The following ZSCAN25 variants were observed in gnomAD, a reference collection of about 807,000 sequenced individuals.
ZSCAN25 encodes the protein zinc finger and SCAN domain containing 25.
Under a neutral mutation model 38.7 loss-of-function variants are expected in ZSCAN25, and 27 were observed. The ratio of observed to expected loss-of-function variants is 0.70; its 90% CI spans 0.51 to 0.96. ZSCAN25 has a LOEUF of 0.96. ZSCAN25 is among the 40% of genes least tolerant of loss of function. The probability of loss-of-function intolerance (pLI) is 0.00; values close to 1 mark genes in which losing one functional copy is unlikely to be tolerated. For synonymous variants in ZSCAN25, 273 were observed against 277.7 expected (o/e 0.98, Z 0.17); for missense variants, 637 against 705.9 (o/e 0.90, Z 1.11).
chr7:99,683,028 G>T, the ZSCAN25 span, among the ~76,000 whole-genome samples: 1 of 152,072 alleles, frequency 6.6e-6, no homozygotes, highest in Non-Finnish European at 1.5e-5. Context: ...GTCTTTAAGT[G>T]TTTCCATATA....
the ZSCAN25 span, among the ~76,000 whole-genome samples, chr7:99,650,951 T>A: frequency 1.3e-5 from 2 of 152,248 alleles, no homozygotes; most frequent in African/African-American, 4.8e-5. Context: ...TTATTCAAAT[T>A]TGATTTCTAA....
chr7:99,676,294 CAA>C, the ZSCAN25 span: 1 of 1,596,868 alleles, frequency 6.3e-7, no homozygotes, highest in Non-Finnish European at 8.6e-7. Flanking sequence ...CTGGAATGGT[CAA>C]GAGAGGGAGG....
chr7:99,656,090 G>A, the ZSCAN25 span, among the ~76,000 whole-genome samples: 1 of 152,062 alleles, frequency 6.6e-6, no homozygotes, highest in Admixed American at 6.5e-5. Flanking sequence ...TTGCCTGATT[G>A]CCCTGGCCAG....
the ZSCAN25 span, among the ~76,000 whole-genome samples, chr7:99,711,815 A>G: frequency 6.6e-6 from 1 of 152,104 alleles, no homozygotes; most frequent in Non-Finnish European, 1.5e-5. Context: ...CAGAAATGCA[A>G]AATCTCAAAC....
the ZSCAN25 span, among the ~76,000 whole-genome samples, chr7:99,732,766 C>T: frequency 2.6e-5 from 4 of 152,114 alleles, no homozygotes; most frequent in East Asian, 3.8e-4. Flanking sequence ...TTCAAAAGTA[C>T]GGTGTGTATA....
intron 7 of ZSCAN25, among the ~76,000 whole-genome samples, chr7:99,627,792 A>T (rs1807619310): frequency 6.6e-6 from 1 of 151,916 alleles, no homozygotes; most frequent in East Asian, 1.9e-4. Flanking sequence ...CTGTATATGT[A>T]TATTGTATAT....
chr7:99,617,021 G>A lies in ZSCAN25; in HGVS notation c.-259+5G>A, dbSNP rs1806508767. On this transcript the variant is annotated splice_donor_5th_base_variant and intron_variant, in intron 1 of 7. Coordinates refer to ENST00000394152, the MANE Select transcript of ZSCAN25 (RefSeq NM_145115.3). ...GGCCCTTCAGGGCCGCGGCGGGTGA[G>A]AGCCTCTTCAGGGCCGCAGCGGGTG... 2 of 152,398 alleles carry A rather than the reference G, an allele frequency of 1.3e-5. No individual in the cohort carries two copies. The highest frequency in any genetic ancestry group is 4.1e-4 in the South Asian group (2 of 4,828). 9.4% of individuals were successfully genotyped at this position (152,398 alleles called of 1,614,324 possible).
the ZSCAN25 span, among the ~76,000 whole-genome samples, chr7:99,694,199 G>C: frequency 8.5e-5 from 13 of 152,208 alleles, no homozygotes; most frequent in African/African-American, 3.1e-4. Flanking sequence ...GAGGGAAAGA[G>C]AGTGAGTGTC....
intron 7 of ZSCAN25, among the ~76,000 whole-genome samples, chr7:99,625,999 C>G (rs936627180): frequency 3.3e-5 from 5 of 152,224 alleles, no homozygotes; most frequent in African/African-American, 4.8e-5. Flanking sequence ...TGAGCTGCTT[C>G]ACCTGTAAAG....
At chr7:99,633,126 C>T (rs2151309114), downstream of ZSCAN25, among the ~76,000 whole-genome samples, 1 of 152,152 alleles carries the variant, frequency 6.6e-6, no homozygotes, top group East Asian at 1.9e-4. Context: ...GCTGGGATTA[C>T]AGGCATGTGC....
At chr7:99,721,756 TGTCA>T in the ZSCAN25 span, among the ~76,000 whole-genome samples, 2 of 152,132 alleles carry the variant, frequency 1.3e-5, no homozygotes, top group African/African-American at 4.8e-5. Flanking sequence ...TGTGTGTGTG[TGTCA>T]GTGTGTCTGT....
At chr7:99,622,304 G>A (rs1256448197) in intron 5 of ZSCAN25, 2 of 537,860 alleles carry the variant, frequency 3.7e-6, no homozygotes, top group African/African-American at 1.9e-5. Context: ...AGCCCTGGAC[G>A]GACAGGGCCG....
At chr7:99,624,641 C>T (rs1317449137) in intron 7 of ZSCAN25, among the ~76,000 whole-genome samples, 1 of 152,080 alleles carries the variant, frequency 6.6e-6, no homozygotes, top group Non-Finnish European at 1.5e-5. Context: ...TAGGAGGGCA[C>T]GAGGGGGCTT....
the ZSCAN25 span, among the ~76,000 whole-genome samples, chr7:99,646,797 T>TACACACACACAC: frequency 1.3e-3 from 179 of 142,166 alleles, no homozygotes; most frequent in African/African-American, 3.3e-3. Context: ...ATATGTTTTA[T>TACACACACACAC]ACACACACAC....
In ZSCAN25 at chr7:99,631,370, C is replaced by T. The variant is rs905384911; in HGVS notation, c.*1350C>T. 8 of 985,234 alleles carry T rather than the reference C, an allele frequency of 8.1e-6. No homozygotes were observed. The highest frequency in any genetic ancestry group is 1.2e-4 in the Admixed American group (2 of 16,276). 61.0% of individuals were successfully genotyped at this position (985,234 alleles called of 1,614,324 possible). On this transcript the variant is annotated 3_prime_UTR_variant, in exon 8 of 8. Coordinates refer to ENST00000394152, the MANE Select transcript of ZSCAN25 (RefSeq NM_145115.3). ...GTAGGCATTAAAAAAAAATACATTT[C>T]TTTAAAAATGAGAAGATGCAATATT...
chr7:99,717,772 A>C, the ZSCAN25 span: 1 of 1,145,700 alleles, frequency 8.7e-7, no homozygotes, highest in Non-Finnish European at 1.3e-6. Flanking sequence ...AGGCCCTATG[A>C]CAGATGCTCA....
At chr7:99,676,919 C>G in the ZSCAN25 span, among the ~76,000 whole-genome samples, 2 of 152,066 alleles carry the variant, frequency 1.3e-5, no homozygotes, top group African/African-American at 4.8e-5. Flanking sequence ...TTGATTTGAG[C>G]TGTTGAGGAG....
At chr7:99,670,912 T>C in the ZSCAN25 span, 1 of 152,232 alleles carries the variant, frequency 6.6e-6, no homozygotes, top group Admixed American at 6.5e-5. Flanking sequence ...TTGTTCTCTT[T>C]TCTTTTATAA....
the ZSCAN25 span, chr7:99,676,204 C>T: frequency 6.2e-7 from 1 of 1,613,452 alleles, no homozygotes; most frequent in East Asian, 2.2e-5. Flanking sequence ...GTACGGGTCC[C>T]ATATCTACAA....
Sources: gnomAD v4.1 joint callset for allele counts (sites outside exome capture counted in the v4.1 genomes callset) on GRCh38, gnomAD v4.1.1 for gene constraint, MANE v1.5 for transcripts, NCBI Gene and HGNC (gene_info 2026-07-23, HGNC 2026-07-21) for gene names.